The following ZER1 variants were observed in gnomAD, a reference collection of about 807,000 sequenced individuals.
ZER1 encodes protein zer-1 homolog.
Under a neutral mutation model 78.8 loss-of-function variants are expected in ZER1, and 11 were observed. That is an observed-to-expected ratio of 0.14 (90% CI 0.09 to 0.23). The LOEUF (loss-of-function observed/expected upper bound fraction) is 0.23, where lower values mean the gene tolerates loss of function less well. Ranked by LOEUF, ZER1 falls within the 10% of genes least tolerant of loss-of-function variation. ZER1 has a pLI of 1.00. For synonymous variants in ZER1, 400 were observed against 407.0 expected (o/e 0.98, Z 0.21); for missense variants, 588 against 996.9 (o/e 0.59, Z 5.52).
chr9:128,766,347 CAAAAA>C (rs1190668112), intron 1 of ZER1, among the ~76,000 whole-genome samples: 2 of 53,442 alleles, frequency 3.7e-5, no homozygotes, highest in Non-Finnish European at 8.7e-5. Context: ...GATTCCATCT[CAAAAA>C]AAAAAAAAAA....
rs940625132 is a variant in ZER1 at position 128,753,963 on chromosome 9, G to A, written c.159-4C>T. On this transcript the variant is annotated splice_region_variant and splice_polypyrimidine_tract_variant and intron_variant, in intron 2 of 15. Transcript: ENST00000291900. The surrounding 1 kb of genome is among the most constrained non-coding windows in gnomAD (Gnocchi z 7.5). ...AGCGTTCACCAGCTCCACATACCTGGGAGAGAAAAAAGCCTGGCTCAGGAG... is the reference window on the plus strand; with the variant it reads ...AGCGTTCACCAGCTCCACATACCTGAGAGAGAAAAAAGCCTGGCTCAGGAG... The A allele has an allele frequency of 1.1e-5, 18 of 1,581,442 alleles. No individual in the cohort carries two copies. The highest frequency in any genetic ancestry group is 1.4e-5 in the Non-Finnish European group (16 of 1,164,396).
intron 13 of ZER1, among the ~76,000 whole-genome samples, chr9:128,736,073 C>T (rs567805612): frequency 2.0e-5 from 3 of 151,892 alleles, no homozygotes; most frequent in East Asian, 1.9e-4. Context: ...CTCAGCCTCC[C>T]GAGTAGCTGG....
chr9:128,771,731 G>C lies in ZER1; in HGVS notation c.-245C>G, dbSNP rs1355171409. 1 of 152,360 alleles carries C rather than the reference G, an allele frequency of 6.6e-6. No homozygotes were observed. The highest frequency in any genetic ancestry group is 6.5e-5 in the Admixed American group (1 of 15,292). 9.4% of individuals were successfully genotyped at this position (152,360 alleles called of 1,614,324 possible). Reference sequence around the variant, plus strand: ...CTAGAGCCGGGGTCCAGGGGAGACGGGGGTCGGCGGGGCGGAGCTTGGGAT... The same window carrying C: ...CTAGAGCCGGGGTCCAGGGGAGACGCGGGTCGGCGGGGCGGAGCTTGGGAT... On this transcript the variant is annotated 5_prime_UTR_variant, in exon 1 of 16. Coordinates refer to ENST00000291900, the MANE Select transcript of ZER1 (RefSeq NM_006336.4).
intron 11 of ZER1, 142 bp from the exon 12 acceptor site, chr9:128,741,029 A>G (rs1863273560): frequency 1.6e-6 from 1 of 627,210 alleles, no homozygotes; most frequent in South Asian, 1.8e-5. Context: ...CCTACCCTCC[A>G]ATGCTCCTAG....
intron 1 of ZER1, among the ~76,000 whole-genome samples, chr9:128,759,483 T>C (rs528842323): frequency 1.8e-4 from 28 of 151,430 alleles, no homozygotes; most frequent in African/African-American, 6.0e-4. Flanking sequence ...GGCCCGAATA[T>C]TGTAATTGAA....
At chr9:128,770,543 C>T (rs571976832) in intron 1 of ZER1, among the ~76,000 whole-genome samples, 1 of 152,324 alleles carries the variant, frequency 6.6e-6, no homozygotes, top group Admixed American at 6.5e-5. Context: ...GGTCACCTTA[C>T]TAGAGACCTT....
In ZER1 at chr9:128,740,739, A is replaced by G. The variant is rs754390516; in HGVS notation, c.1853+33T>C. 3.9e-6 allele frequency: 3 copies of G among 779,078 alleles called. No individual in the cohort carries two copies. In the South Asian group the frequency reaches 4.0e-5, roughly 10 times the overall value. 48.3% of individuals were successfully genotyped at this position (779,078 alleles called of 1,614,324 possible). On this transcript the variant is annotated intron_variant, in intron 12 of 15. Transcript: ENST00000291900. The surrounding 1 kb of genome is among the most constrained non-coding windows in gnomAD (Gnocchi z 4.4). ...TAGAGCTCTGAGCATTGTGGCAGCT[A>G]AGGCAAAAAGGGAAAGGATTAAAAA... is the stretch of plus-strand genomic sequence containing the variant.
chr9:128,753,069 G>T lies in ZER1; in HGVS notation c.746+95C>A, dbSNP rs759728470. On this transcript the variant is annotated intron_variant, in intron 4 of 15. Transcript: ENST00000291900. The surrounding 1 kb of genome is among the most constrained non-coding windows in gnomAD (Gnocchi z 7.5). ...ATCCCCACCCTCTGCCTAGCCAAGCGCTCCTGAACCCTGAGGGCGTGACAA... is the reference window on the plus strand; with the variant it reads ...ATCCCCACCCTCTGCCTAGCCAAGCTCTCCTGAACCCTGAGGGCGTGACAA... 1.5e-6 allele frequency: 2 copies of T among 1,319,352 alleles called. No homozygotes were observed. The highest frequency in any genetic ancestry group is 2.0e-6 in the Non-Finnish European group (2 of 988,310). The allele number at this position is 1,319,352 out of a possible 1,614,324, so 81.7% of individuals were successfully genotyped here.
chr9:128,745,661 ATTTATT>A (rs1863463518), intron 8 of ZER1, among the ~76,000 whole-genome samples: 1 of 149,986 alleles, frequency 6.7e-6, no homozygotes, highest in Non-Finnish European at 1.5e-5. Context: ...CTGGCCTTTT[ATTTATT>A]TTTAAGACGC....
intron 8 of ZER1, among the ~76,000 whole-genome samples, chr9:128,742,963 A>G (rs1863354413): frequency 6.6e-6 from 1 of 152,186 alleles, no homozygotes; most frequent in Admixed American, 6.5e-5. Context: ...TAGTTTTATA[A>G]ATGACATAAA....
chr9:128,738,777 G>A (rs954671081), intron 13 of ZER1, among the ~76,000 whole-genome samples: 4 of 151,710 alleles, frequency 2.6e-5, no homozygotes, highest in African/African-American at 9.7e-5. Flanking sequence ...GACCTCCTGG[G>A]CTCAAGTGAC....
At chr9:128,737,125 CAG>C (rs1366645767) in intron 13 of ZER1, among the ~76,000 whole-genome samples, 1 of 151,818 alleles carries the variant, frequency 6.6e-6, no homozygotes, top group African/African-American at 2.4e-5. Context: ...GCCTGGGTGA[CAG>C]TGCGAGACTC....
chr9:128,731,153 T>C lies in ZER1; in HGVS notation c.*184A>G, dbSNP rs74310390. On this transcript the variant is annotated 3_prime_UTR_variant, in exon 16 of 16. Coordinates refer to ENST00000291900, the MANE Select transcript of ZER1 (RefSeq NM_006336.4). ...TCACACTTCCTAACCAAAAAAAAAA[T>C]ATATATATATAATATATATATATCT... is the stretch of plus-strand genomic sequence containing the variant. 18 of 227,000 alleles carry C rather than the reference T, an allele frequency of 7.9e-5. No homozygotes were observed. Among genetic ancestry groups the C allele is most frequent in the Non-Finnish European group, 1.3e-4 (16 of 121,672 alleles). 14.1% of individuals were successfully genotyped at this position (227,000 alleles called of 1,614,324 possible).
At position 128,741,552 on chromosome 9, in the gene ZER1, A is replaced by G; in HGVS notation, c.1720T>C (p.Phe574Leu). 1 of 1,614,206 alleles carries G rather than the reference A, an allele frequency of 6.2e-7. No individual in the cohort carries two copies. The highest frequency in any genetic ancestry group is 8.5e-7 in the Non-Finnish European group (1 of 1,180,024). ...MFLNFNGMKLFLDCLKEFPEK... is the reference protein window; with the variant it reads ...MFLNFNGMKLLLDCLKEFPEK... ...GACACTACCTTCAGGCAGTCCAGGA[A>G]GAGCTTCATGCCGTTGAAATTGAGG... Residue 574 changes from phenylalanine (F) to leucine (L), a missense_variant, in exon 11 of 16, where the codon TTC (phenylalanine) becomes CTC (leucine). Phe to Leu is a conservative substitution (Grantham distance 22). Around this residue, in one of 3 missense-constraint regions of ZER1, gnomAD observed 60 missense variants for 163.3 expected, o/e 0.37. Coordinates refer to ENST00000291900, the MANE Select transcript of ZER1 (RefSeq NM_006336.4).
intron 1 of ZER1, among the ~76,000 whole-genome samples, chr9:128,759,589 A>AT (rs1863977123): frequency 6.6e-6 from 1 of 151,920 alleles, no homozygotes; most frequent in African/African-American, 2.4e-5. Context: ...AGGTCAGGAG[A>AT]TTGAGACCAT....
chr9:128,742,445 C>T (rs1338416237), intron 9 of ZER1, 85 bp downstream of exon 9: 5 of 1,519,422 alleles, frequency 3.3e-6, no homozygotes, highest in Non-Finnish European at 4.5e-6. Context: ...GCCCCAGGCC[C>T]TGCTCTGAGA....
chr9:128,746,103 G>A (rs1407299890), intron 8 of ZER1: 1 of 152,294 alleles, frequency 6.6e-6, no homozygotes, highest in African/African-American at 2.4e-5. Context: ...GCCTCCCAAA[G>A]TGTGAGGATT....
chr9:128,735,257 CTG>C, intron 14 of ZER1, 75 bp downstream of exon 14: 1 of 1,341,758 alleles, frequency 7.5e-7, no homozygotes, highest in Non-Finnish European at 1.0e-6. Flanking sequence ...TGCCCCCCTC[CTG>C]GACTACAAAC....
intron 8 of ZER1, among the ~76,000 whole-genome samples, chr9:128,743,923 G>A (rs1222737748): frequency 7.9e-6 from 1 of 127,380 alleles, no homozygotes; most frequent in African/African-American, 3.0e-5. Flanking sequence ...TTTTGAGATG[G>A]AGTCTCACTC....
Sources: allele counts gnomAD v4.1 joint callset (sites outside exome capture counted in the v4.1 genomes callset), GRCh38; gene constraint gnomAD v4.1.1; regional missense constraint gnomAD v4.1.1; non-coding constraint Gnocchi (gnomAD v3.1); transcripts MANE v1.5; gene names NCBI Gene and HGNC (gene_info 2026-07-23, HGNC 2026-07-21).